Variants in ATP2A2 observed in about 807,000 individuals in gnomAD.
ATP2A2 encodes ATPase sarcoplasmic/endoplasmic reticulum Ca2+ transporting 2.
ATP2A2 carries 14 observed loss-of-function variants against 109.3 expected under a neutral mutation model. That is an observed-to-expected ratio of 0.13 (90% CI 0.08 to 0.20). ATP2A2 has a LOEUF of 0.20. ATP2A2 is among the 10% of genes least tolerant of loss of function. ATP2A2 has a pLI of 1.00. For missense variants in ATP2A2, 657 were observed against 1,321.6 expected, an observed-to-expected ratio of 0.50 and a Z score of 7.80; for synonymous variants, 506 against 490.9, an observed-to-expected ratio of 1.03 and a Z score of -0.41.
rs997965600 is a variant in ATP2A2 at position 110,282,549 on chromosome 12, T to G, written c.119-55T>G. 1.9e-4 allele frequency: 305 copies of G among 1,599,208 alleles called. 2 individuals carry two copies. The highest frequency in any genetic ancestry group is 6.2e-5 in the Non-Finnish European group (72 of 1,167,958). On this transcript the variant is annotated intron_variant, in intron 1 of 19. Coordinates refer to ENST00000539276, the MANE Select transcript of ATP2A2 (RefSeq NM_170665.4). The stretch of plus-strand genomic sequence containing the variant: ...CGAAGTGCTAAAATGTCTCTCTCTT[T>G]TTTTTTTTAACCTCCCTCTTGACAC...
intron 5 of ATP2A2, among the ~76,000 whole-genome samples, chr12:110,300,450 G>A (rs1874498191): frequency 6.8e-6 from 1 of 147,506 alleles, no homozygotes; most frequent in Non-Finnish European, 1.5e-5. Context: ...CGCCTCCCAG[G>A]TTTACGCCAT....
chr12:110,347,723 G>A lies in ATP2A2; in HGVS notation c.*1253G>A, dbSNP rs1307392207. ...ATGTTCGAGATGAGTCTCACCAACAGTGTGTAAGTCATTAACAGTCCTAAC... is the reference window on the plus strand; with the variant it reads ...ATGTTCGAGATGAGTCTCACCAACAATGTGTAAGTCATTAACAGTCCTAAC... On this transcript the variant is annotated 3_prime_UTR_variant, in exon 20 of 20. Transcript: ENST00000539276. 1.7e-6 allele frequency: 2 copies of A among 1,151,294 alleles called. No homozygotes were observed. Among genetic ancestry groups the A allele is most frequent in the Non-Finnish European group, 1.1e-6 (1 of 922,732 alleles). 71.3% of individuals were successfully genotyped at this position (1,151,294 alleles called of 1,614,324 possible).
Position 110,333,220 on chromosome 12 carries a change from T to C in ATP2A2, c.1224T>C (p.Asp408=). The C allele has an allele frequency of 6.2e-7, 1 of 1,614,072 alleles. No individual in the cohort carries two copies. The highest frequency in any genetic ancestry group is 8.5e-7 in the Non-Finnish European group (1 of 1,179,926). ...AACCAGTGAATTGTCACCAGTATGA[T>C]GGTCTGGTAGAATTAGCAACAATTT... ...DDKPVNCHQY[D]GLVELATICA... The change falls in exon 10 of 20, where the codon GAT becomes GAC. Residue 408 remains aspartate (D), a synonymous_variant. Transcript: ENST00000539276.
intron 11 of ATP2A2, among the ~76,000 whole-genome samples, chr12:110,336,659 T>C (rs1018236634): frequency 1.3e-5 from 2 of 152,210 alleles, no homozygotes; most frequent in African/African-American, 4.8e-5. Context: ...GCATTTTGTC[T>C]CCTTTATACT....
At chr12:110,322,382 T>C (rs147560991) in intron 5 of ATP2A2, among the ~76,000 whole-genome samples, 16 of 152,266 alleles carry the variant, frequency 1.1e-4, no homozygotes, top group African/African-American at 3.6e-4. Context: ...GTAGTCCTTC[T>C]GCTTGGGAAG....
chr12:110,327,298 A>C lies in ATP2A2; in HGVS notation c.631-255A>C, dbSNP rs1227930510. 6.6e-6 allele frequency among the ~76,000 whole-genome samples: 1 copy of C among 152,158 alleles called. No homozygotes were observed. Among genetic ancestry groups the C allele is most frequent in the Non-Finnish European group, 1.5e-5 (1 of 68,028 alleles). ...TTGGGAACACAGAGGGGTTAAGAGCACTGCTTGAAGATGGTCTGCAAGCCG... is the reference window on the plus strand; with the variant it reads ...TTGGGAACACAGAGGGGTTAAGAGCCCTGCTTGAAGATGGTCTGCAAGCCG... On this transcript the variant is annotated intron_variant, in intron 7 of 19. Coordinates refer to ENST00000539276, the MANE Select transcript of ATP2A2 (RefSeq NM_170665.4). This position sits in a 1 kb window ranked among gnomAD's most constrained non-coding sequence, Gnocchi z 4.4.
At chr12:110,294,304 A>G (rs1027266268) in intron 4 of ATP2A2, among the ~76,000 whole-genome samples, 1 of 152,018 alleles carries the variant, frequency 6.6e-6, no homozygotes, top group Admixed American at 6.6e-5. Context: ...CGGCCTCCCA[A>G]AGTGCCGGGA....
intron 5 of ATP2A2, among the ~76,000 whole-genome samples, chr12:110,315,344 A>T (rs968862378): frequency 6.6e-6 from 1 of 151,950 alleles, no homozygotes; most frequent in Non-Finnish European, 1.5e-5. Context: ...TTACCTTTCT[A>T]CCCCCATAAC....
intron 8 of ATP2A2, chr12:110,331,607 AT>A (rs1355111549): frequency 6.6e-6 from 1 of 152,208 alleles, no homozygotes; most frequent in Non-Finnish European, 1.5e-5. Flanking sequence ...CAGTGCTGGG[AT>A]TATAGGCGTG....
At chr12:110,316,400 ATTATTGAACC>A (rs1876672932) in intron 5 of ATP2A2, among the ~76,000 whole-genome samples, 1 of 152,234 alleles carries the variant, frequency 6.6e-6, no homozygotes, top group Non-Finnish European at 1.5e-5. Flanking sequence ...AGCAACTACC[ATTATTGAACC>A]TCATTTAGCT....
chr12:110,343,566 C>G (rs1879562802), intron 16 of ATP2A2, 132 bp downstream of exon 16: 2 of 1,042,970 alleles, frequency 1.9e-6, no homozygotes, highest in African/African-American at 3.2e-5. Flanking sequence ...GAGATGCCCT[C>G]TTACAGTTCG....
chr12:110,315,419 T>C (rs985540132), intron 5 of ATP2A2, among the ~76,000 whole-genome samples: 2 of 152,212 alleles, frequency 1.3e-5, no homozygotes, highest in Non-Finnish European at 2.9e-5. Context: ...TATAAAATAT[T>C]CCTTATGAGC....
chr12:110,339,177 C>G lies in ATP2A2; in HGVS notation c.1420-104C>G. ...AAAAACCTGTCTGTTTTGTTTATTG[C>G]TATATTCCTAGCATCTGTCATGTAA... On this transcript the variant is annotated intron_variant, in intron 11 of 19. Transcript: ENST00000539276. The surrounding 1 kb of genome is among the most constrained non-coding windows in gnomAD (Gnocchi z 4.4). 6.7e-7 allele frequency: 1 copy of G among 1,489,710 alleles called. No homozygotes were observed. 92.3% of individuals were successfully genotyped at this position (1,489,710 alleles called of 1,614,324 possible).
chr12:110,341,062 C>A, intron 14 of ATP2A2, 68 bp downstream of exon 14: 1 of 1,555,844 alleles, frequency 6.4e-7, no homozygotes, highest in South Asian at 1.2e-5. Context: ...TAATTTTGAC[C>A]ACTGAATTTT....
chr12:110,305,458 G>A (rs374277554), intron 5 of ATP2A2, among the ~76,000 whole-genome samples: 1 of 152,164 alleles, frequency 6.6e-6, no homozygotes, highest in Non-Finnish European at 1.5e-5. Flanking sequence ...AGATCCAGCT[G>A]CTTTCTTTTG....
In ATP2A2 at chr12:110,339,820, CAAGA is replaced by C. The variant is rs1487771761; in HGVS notation, c.1761+104_1761+107del. Reference sequence around the variant, plus strand: ...AAGGTCAAACAGTTCTCACTTTTGCCAAGAAAGAGGTGTGGTTATTTGTTTTTCT... The same window carrying C: ...AAGGTCAAACAGTTCTCACTTTTGCCAAGAGGTGTGGTTATTTGTTTTTCT... On this transcript the variant is annotated intron_variant, in intron 13 of 19. Coordinates refer to ENST00000539276, the MANE Select transcript of ATP2A2 (RefSeq NM_170665.4). This position sits in a 1 kb window ranked among gnomAD's most constrained non-coding sequence, Gnocchi z 4.4. 4.5e-6 allele frequency: 6 copies of C among 1,323,906 alleles called. No individual in the cohort carries two copies. Among genetic ancestry groups the C allele is most frequent in the South Asian group, 1.3e-5 (1 of 79,720 alleles). 82.0% of individuals were successfully genotyped at this position (1,323,906 alleles called of 1,614,324 possible).
intron 17 of ATP2A2, 42 bp downstream of exon 17, chr12:110,345,013 TTG>T (rs776310942): frequency 6.3e-7 from 1 of 1,592,168 alleles, no homozygotes. Context: ...ATGAGAAGTG[TTG>T]TGAGGCCTTG....
At chr12:110,290,008 G>A (rs1036560904) in intron 3 of ATP2A2, among the ~76,000 whole-genome samples, 1 of 152,134 alleles carries the variant, frequency 6.6e-6, no homozygotes, top group African/African-American at 2.4e-5. Flanking sequence ...TTAAACCTCT[G>A]CCCCATTTTC....
Position 110,348,149 on chromosome 12 carries a change from C to G in ATP2A2, c.*1679C>G. ...AGGGTTCGCAGCTGCCAGGAGTCAT[C>G]CCAGAACATTGCTACTTATTTATTA... is the stretch of plus-strand genomic sequence containing the variant. On this transcript the variant is annotated 3_prime_UTR_variant, in exon 20 of 20. Transcript: ENST00000539276. 1.0e-6 allele frequency: 1 copy of G among 985,468 alleles called. No homozygotes were observed. The highest frequency in any genetic ancestry group is 1.2e-6 in the Non-Finnish European group (1 of 829,968). 61.0% of individuals were successfully genotyped at this position (985,468 alleles called of 1,614,324 possible).
Sources: allele counts gnomAD v4.1 joint callset (sites outside exome capture counted in the v4.1 genomes callset), GRCh38; gene constraint gnomAD v4.1.1; non-coding constraint Gnocchi (gnomAD v3.1); transcripts MANE v1.5; gene names NCBI Gene and HGNC (gene_info 2026-07-23, HGNC 2026-07-21).